GPC6: variants seen among roughly 807,000 people sequenced by gnomAD.
GPC6 encodes glypican-6.
Under a neutral mutation model 55.2 loss-of-function variants are expected in GPC6, and 14 were observed. That is an observed-to-expected ratio of 0.25 (90% CI 0.17 to 0.40). GPC6 has a LOEUF of 0.40. Among genes scored for constraint, GPC6 ranks in the 10% least tolerant of loss-of-function variants. The pLI, the probability that GPC6 is intolerant of heterozygous loss-of-function variation, is 1.00. For missense variants in GPC6, 641 were observed against 708.5 expected (o/e 0.90, Z 1.08); for synonymous variants, 278 against 259.6 (o/e 1.07, Z -0.68).
intron 1 of GPC6, among the ~76,000 whole-genome samples, chr13:93,480,807 A>G (rs1197116186): frequency 6.6e-6 from 1 of 152,118 alleles, no homozygotes; most frequent in African/African-American, 2.4e-5. Flanking sequence ...ATAATTTTCT[A>G]TTGTGTGAAC....
chr13:94,068,271 A>G (rs1403143694), intron 4 of GPC6, among the ~76,000 whole-genome samples: 1 of 151,780 alleles, frequency 6.6e-6, no homozygotes, highest in Non-Finnish European at 1.5e-5. Context: ...TTTTAAAACC[A>G]TCAGATCTTG....
At chr13:93,606,834 C>G (rs1181311012) in intron 2 of GPC6, among the ~76,000 whole-genome samples, 2 of 152,152 alleles carry the variant, frequency 1.3e-5, no homozygotes, top group Non-Finnish European at 2.9e-5. Context: ...AATTTGCATT[C>G]CCATTTAATC....
At chr13:93,799,879 T>C (rs1418524420) in intron 2 of GPC6, among the ~76,000 whole-genome samples, 3 of 152,156 alleles carry the variant, frequency 2.0e-5, no homozygotes, top group Non-Finnish European at 4.4e-5. Context: ...AAGAAGTTAC[T>C]ATCTAGTGGA....
At chr13:93,228,457 C>G (rs1290670848) in intron 1 of GPC6, among the ~76,000 whole-genome samples, 1 of 152,214 alleles carries the variant, frequency 6.6e-6, no homozygotes, top group Non-Finnish European at 1.5e-5. Context: ...TGCCCGGCCA[C>G]TGGCATTGCT....
chr13:93,841,888 G>A (rs1016402367), intron 3 of GPC6, among the ~76,000 whole-genome samples: 5 of 151,940 alleles, frequency 3.3e-5, no homozygotes, highest in Non-Finnish European at 7.4e-5. Flanking sequence ...TAGAATTTTG[G>A]CAATCAAAAA....
chr13:93,890,678 C>T (rs1042249173), intron 3 of GPC6, among the ~76,000 whole-genome samples: 10 of 150,310 alleles, frequency 6.7e-5, no homozygotes, highest in African/African-American at 2.4e-4. Context: ...AAGCATATTA[C>T]AAATGTGAAT....
intron 3 of GPC6, among the ~76,000 whole-genome samples, chr13:93,923,967 G>A (rs1000623260): frequency 2.6e-5 from 4 of 152,160 alleles, no homozygotes; most frequent in Non-Finnish European, 5.9e-5. Flanking sequence ...GATGTGGAAT[G>A]GAATGGATGT....
chr13:93,829,725 T>C (rs931956358), intron 2 of GPC6, among the ~76,000 whole-genome samples: 2 of 152,214 alleles, frequency 1.3e-5, no homozygotes, highest in Admixed American at 1.3e-4. Context: ...ATAAAAGCAA[T>C]TTAATGGAAT....
intron 1 of GPC6, among the ~76,000 whole-genome samples, chr13:93,513,465 T>C (rs1268660867): frequency 6.6e-6 from 1 of 152,248 alleles, no homozygotes; most frequent in Non-Finnish European, 1.5e-5. Flanking sequence ...TGTCACCTTA[T>C]ATTGTTTGAC....
At chr13:93,248,699 T>C (rs1372324855) in intron 1 of GPC6, among the ~76,000 whole-genome samples, 1 of 152,196 alleles carries the variant, frequency 6.6e-6, no homozygotes, top group Non-Finnish European at 1.5e-5. Flanking sequence ...CTGAAACTTC[T>C]GGAAGGTGCC....
intron 2 of GPC6, among the ~76,000 whole-genome samples, chr13:93,825,551 C>T (rs1346459956): frequency 6.6e-6 from 1 of 152,212 alleles, no homozygotes; most frequent in Non-Finnish European, 1.5e-5. Context: ...TTTTCCCTCC[C>T]TCACAGTCTA....
chr13:93,984,678 A>G (rs1880948191), intron 3 of GPC6, among the ~76,000 whole-genome samples: 2 of 152,212 alleles, frequency 1.3e-5, no homozygotes, highest in African/African-American at 4.8e-5. Context: ...TTCAAAGAGA[A>G]TTTCACTGAA....
At chr13:93,789,507 C>CTATATATATA (rs1261981887) in intron 2 of GPC6, among the ~76,000 whole-genome samples, 1 of 89,984 alleles carries the variant, frequency 1.1e-5, no homozygotes, top group African/African-American at 4.8e-5. Flanking sequence ...CTCTCTCTCT[C>CTATATATATA]TCTATATATA....
chr13:93,865,247 A>T (rs1372933289), intron 3 of GPC6, among the ~76,000 whole-genome samples: 1 of 151,680 alleles, frequency 6.6e-6, no homozygotes, highest in African/African-American at 2.4e-5. Flanking sequence ...CTTCAAGTTC[A>T]ATGGAACTTA....
chr13:93,431,283 C>T (rs7999019), intron 1 of GPC6, among the ~76,000 whole-genome samples: 37,006 of 151,862 alleles, frequency 0.24, 4,478 homozygotes, highest in Middle Eastern at 0.28. Flanking sequence ...CTTAAGGAAG[C>T]CATGTCTATT....
intron 2 of GPC6, among the ~76,000 whole-genome samples, chr13:93,670,840 TG>T (rs1257704695): frequency 6.6e-6 from 1 of 152,218 alleles, no homozygotes; most frequent in Admixed American, 6.5e-5. Flanking sequence ...CAATTGTTTC[TG>T]GATGATTGTG....
At chr13:93,341,459 A>AAAACCACAT (rs1880251827) in intron 1 of GPC6, among the ~76,000 whole-genome samples, 1 of 152,222 alleles carries the variant, frequency 6.6e-6, no homozygotes, top group African/African-American at 2.4e-5. Flanking sequence ...GTAAGGTGGT[A>AAAACCACAT]TCTCATTGTG....
chr13:93,557,041 A>G (rs527574256), intron 2 of GPC6, among the ~76,000 whole-genome samples: 1 of 152,336 alleles, frequency 6.6e-6, no homozygotes, highest in African/African-American at 2.4e-5. Context: ...AATTGAAGGA[A>G]AAGTGCCTGA....
intron 2 of GPC6, among the ~76,000 whole-genome samples, chr13:93,738,587 C>T (rs1884081640): frequency 1.3e-5 from 2 of 152,050 alleles, no homozygotes. Context: ...GCATTTAATC[C>T]TCATGGTTAA....
Sources: gnomAD v4.1 joint callset for allele counts (sites outside exome capture counted in the v4.1 genomes callset) on GRCh38, gnomAD v4.1.1 for gene constraint, MANE v1.5 for transcripts, NCBI Gene and HGNC (gene_info 2026-07-23, HGNC 2026-07-21) for gene names.